The following SLC9A7 variants were observed in gnomAD, a reference collection of about 807,000 sequenced individuals.
The protein encoded by SLC9A7 is solute carrier family 9 member A7.
SLC9A7 carries 19 observed loss-of-function variants against 52.6 expected under a neutral mutation model. The observed-to-expected ratio is 0.36, with a 90% CI of 0.25 to 0.53. SLC9A7 has a LOEUF of 0.53. Ranked by LOEUF, SLC9A7 falls within the 20% of genes least tolerant of loss-of-function variation. SLC9A7 has a pLI of 0.91. For synonymous variants in SLC9A7, 226 were observed against 252.1 expected (o/e 0.90, Z 0.98); for missense variants, 455 against 597.9 (o/e 0.76, Z 2.49).
At chrX:46,666,045 G>A (rs1943915408) in intron 5 of SLC9A7, among the ~76,000 whole-genome samples, 1 of 111,369 alleles carries the variant, frequency 9.0e-6, no homozygotes, top group African/African-American at 3.3e-5. Flanking sequence ...CAGTAATCAG[G>A]GACAAGGATT....
chrX:46,715,335 C>T (rs1259717787), intron 1 of SLC9A7, among the ~76,000 whole-genome samples: 2 of 111,954 alleles, frequency 1.8e-5, no homozygotes, highest in African/African-American at 6.5e-5. Context: ...TGGAATAGCA[C>T]AGTAACAGGC....
At chrX:46,646,262 T>C (rs975051410) in intron 11 of SLC9A7, among the ~76,000 whole-genome samples, 3 of 110,676 alleles carry the variant, frequency 2.7e-5, no homozygotes, top group African/African-American at 9.9e-5. Flanking sequence ...GGTTCCTCCC[T>C]ATCTCCTACT....
intron 13 of SLC9A7, among the ~76,000 whole-genome samples, chrX:46,634,724 TTAAAG>T (rs1205712800): frequency 8.9e-6 from 1 of 112,103 alleles, no homozygotes; most frequent in Admixed American, 9.4e-5. Flanking sequence ...GCTTAAATAC[TTAAAG>T]TAATTTCATG....
At chrX:46,687,485 C>T (rs887530030) in intron 1 of SLC9A7, among the ~76,000 whole-genome samples, 1 of 111,850 alleles carries the variant, frequency 8.9e-6, no homozygotes, top group Admixed American at 9.5e-5. Context: ...AAAGAGAATC[C>T]AATGGATTCC....
At chrX:46,691,204 TCA>T (rs920344240) in intron 1 of SLC9A7, among the ~76,000 whole-genome samples, 1 of 112,418 alleles carries the variant, frequency 8.9e-6, no homozygotes, top group African/African-American at 3.2e-5. Context: ...TATTGAGCTC[TCA>T]CACAGTCATT....
chrX:46,687,659 T>G (rs1602230929), intron 1 of SLC9A7, among the ~76,000 whole-genome samples: 2 of 112,278 alleles, frequency 1.8e-5, no homozygotes, highest in South Asian at 7.3e-4. Context: ...TTCAAAATAT[T>G]TTTGTTCCTT....
intron 1 of SLC9A7, among the ~76,000 whole-genome samples, chrX:46,737,825 G>A (rs1269330299): frequency 1.8e-5 from 2 of 109,603 alleles, no homozygotes; most frequent in African/African-American, 3.3e-5. Context: ...CCAGAAATTC[G>A]AGACCAGCCT....
intron 1 of SLC9A7, among the ~76,000 whole-genome samples, chrX:46,716,993 T>C (rs1416925353): frequency 1.8e-5 from 2 of 112,036 alleles, no homozygotes; most frequent in East Asian, 2.8e-4. Context: ...TCATGAGTTA[T>C]GGCAACACGC....
At chrX:46,656,503 T>C (rs1263756332) in intron 7 of SLC9A7, among the ~76,000 whole-genome samples, 1 of 111,755 alleles carries the variant, frequency 8.9e-6, no homozygotes, top group Non-Finnish European at 1.9e-5. Context: ...ATAACTAGAA[T>C]AACCAATACA....
intron 1 of SLC9A7, among the ~76,000 whole-genome samples, chrX:46,728,508 G>A (rs1036803913): frequency 8.9e-6 from 1 of 112,026 alleles, no homozygotes; most frequent in Non-Finnish European, 1.9e-5. Flanking sequence ...AGTTGGTAAA[G>A]GTGTGGAACA....
At chrX:46,691,434 T>A (rs1305375948) in intron 1 of SLC9A7, among the ~76,000 whole-genome samples, 2 of 112,229 alleles carry the variant, frequency 1.8e-5, no homozygotes, top group Non-Finnish European at 3.8e-5. Flanking sequence ...GAGAAGAATT[T>A]GGTAGATTCA....
chrX:46,731,411 G>T (rs1326810992), intron 1 of SLC9A7, among the ~76,000 whole-genome samples: 1 of 77,617 alleles, frequency 1.3e-5, no homozygotes, highest in Non-Finnish European at 2.8e-5. Flanking sequence ...AGGCAACATA[G>T]CCATACTCCA....
At chrX:46,674,938 G>A (rs1944085884) in intron 3 of SLC9A7, among the ~76,000 whole-genome samples, 1 of 111,233 alleles carries the variant, frequency 9.0e-6, no homozygotes, top group African/African-American at 3.3e-5. Flanking sequence ...ACCATTCTAA[G>A]CCTCACACTG....
At position 46,606,884 on chromosome X, in the gene SLC9A7, A is replaced by T; in HGVS notation, c.*68T>A. ...TAGTCACTGCCCCACCTCCAACAAC[A>T]CTAGGGCTTGCAGCTGTCCTCACCC... On this transcript the variant is annotated 3_prime_UTR_variant, in exon 17 of 17. Transcript: ENST00000616978. 7 of 1,198,316 alleles carry T rather than the reference A, an allele frequency of 5.8e-6. No individual in the cohort carries two copies. Among genetic ancestry groups the T allele is most frequent in the Non-Finnish European group, 7.9e-6 (7 of 887,235 alleles).
intron 1 of SLC9A7, among the ~76,000 whole-genome samples, chrX:46,691,244 A>T (rs1944377209): frequency 8.9e-6 from 1 of 112,438 alleles, no homozygotes; most frequent in African/African-American, 3.2e-5. Flanking sequence ...AGCATGAATA[A>T]CAGAATTCCT....
intron 4 of SLC9A7, among the ~76,000 whole-genome samples, chrX:46,671,491 G>C (rs11798615): frequency 0.081 from 8,791 of 108,532 alleles, 381 homozygotes; most frequent in Non-Finnish European, 0.13. Flanking sequence ...GGATGGTCTC[G>C]ATCTCCAGAC....
chrX:46,638,382 CAGAA>C (rs2146744848), intron 12 of SLC9A7, among the ~76,000 whole-genome samples: 1 of 110,822 alleles, frequency 9.0e-6, no homozygotes, highest in South Asian at 3.8e-4. Context: ...TAGAGTCAGA[CAGAA>C]GGAAGGAAAT....
intron 3 of SLC9A7, among the ~76,000 whole-genome samples, chrX:46,675,912 G>A (rs908883271): frequency 2.7e-5 from 3 of 111,968 alleles, no homozygotes; most frequent in African/African-American, 9.7e-5. Context: ...TCTGTAAAAG[G>A]TTCAAAAGGA....
chrX:46,699,772 G>A (rs1427964986), intron 1 of SLC9A7, among the ~76,000 whole-genome samples: 1 of 111,209 alleles, frequency 9.0e-6, no homozygotes, highest in Non-Finnish European at 1.9e-5. Flanking sequence ...ACAATATGGA[G>A]GGGCACCCAT....
Sources: gnomAD v4.1 joint callset for allele counts (sites outside exome capture counted in the v4.1 genomes callset) on GRCh38, gnomAD v4.1.1 for gene constraint, MANE v1.5 for transcripts, NCBI Gene and HGNC (gene_info 2026-07-23, HGNC 2026-07-21) for gene names.